Variants in PCLAF observed in about 807,000 individuals in gnomAD.
The protein encoded by PCLAF is PCNA clamp associated factor, also known as PCNA-associated factor.
A neutral mutation model predicts 15.1 loss-of-function variants in PCLAF; 12 were observed. The ratio of observed to expected loss-of-function variants is 0.79; its 90% CI spans 0.51 to 1.29. PCLAF has a LOEUF of 1.29. Among genes scored for constraint, PCLAF ranks in the 50% most tolerant of loss-of-function variants. PCLAF has a pLI of 0.00. For missense variants in PCLAF, 116 were observed against 130.9 expected (o/e 0.89, Z 0.56); for synonymous variants, 33 against 47.1 (o/e 0.70, Z 1.22).
chr15:64,384,036 C>T (rs181564236), upstream of PCLAF, among the ~76,000 whole-genome samples: 159 of 137,776 alleles, frequency 1.2e-3, no homozygotes, highest in East Asian at 8.9e-3. Context: ...TGAAATAAAA[C>T]ACAGAGAGTG....
intron 3 of PCLAF, among the ~76,000 whole-genome samples, chr15:64,367,501 C>T (rs1899090101): frequency 1.8e-5 from 1 of 54,732 alleles, no homozygotes; most frequent in Non-Finnish European, 4.4e-5. Context: ...AAAACTCTGT[C>T]TCAAAAAAAC....
At chr15:64,376,615 C>A in intron 3 of PCLAF, 128 bp downstream of exon 3, 1 of 642,778 alleles carries the variant, frequency 1.6e-6, no homozygotes, top group Non-Finnish European at 2.6e-6. Context: ...GACAGGGTTC[C>A]ACCATGTTGG....
rs1000565592 is a variant in PCLAF at position 64,365,930 on chromosome 15, G to C, written c.*100C>G. Reference sequence around the variant, plus strand: ...ACCTAAATTTTTTAATTAAATGCCTGTTCAACAAAGCTAATTGGAACAAAC... The same window carrying C: ...ACCTAAATTTTTTAATTAAATGCCTCTTCAACAAAGCTAATTGGAACAAAC... On this transcript the variant is annotated 3_prime_UTR_variant, in exon 4 of 4. Coordinates refer to ENST00000300035, the MANE Select transcript of PCLAF (RefSeq NM_014736.6). The C allele has an allele frequency of 4.9e-6, 5 of 1,017,486 alleles. No homozygotes were observed. The highest frequency in any genetic ancestry group is 2.9e-5 in the South Asian group (2 of 69,446). The allele number at this position is 1,017,486 out of a possible 1,614,324, so 63.0% of individuals were successfully genotyped here. A position where few individuals can be genotyped will look rare whatever the true frequency, so the allele number is the denominator to read the frequency against.
intron 3 of PCLAF, among the ~76,000 whole-genome samples, chr15:64,376,347 G>T (rs567510015): frequency 9.3e-4 from 142 of 152,040 alleles, no homozygotes; most frequent in African/African-American, 3.4e-3. Context: ...TATCCTATTT[G>T]TCCTTTATTT....
At chr15:64,378,612 C>T (rs1291877931) in intron 2 of PCLAF, among the ~76,000 whole-genome samples, 3 of 152,050 alleles carry the variant, frequency 2.0e-5, no homozygotes, top group Admixed American at 6.6e-5. Flanking sequence ...GCTTTTACTA[C>T]TAGAAAACAT....
intron 3 of PCLAF, among the ~76,000 whole-genome samples, chr15:64,374,697 T>C (rs1899525518): frequency 6.6e-6 from 1 of 151,902 alleles, no homozygotes; most frequent in Admixed American, 6.6e-5. Context: ...ACACAAAAAA[T>C]TAGCTGAACT....
Position 64,373,720 on chromosome 15 carries a change from T to C in PCLAF, c.290+3023A>G, listed in dbSNP as rs937860219. On this transcript the variant is annotated intron_variant, in intron 3 of 3. Transcript: ENST00000300035. ...TACCCATTTGGATCAGTGTGCCGTGTGTCCAGCTTGCTGCTCAGTGTGCTG... is the reference window on the plus strand; with the variant it reads ...TACCCATTTGGATCAGTGTGCCGTGCGTCCAGCTTGCTGCTCAGTGTGCTG... 3 of 1,535,764 alleles carry C rather than the reference T, an allele frequency of 2.0e-6. No individual in the cohort carries two copies. The African/African-American group carries it at 4.1e-5, about 21-fold the overall frequency.
At chr15:64,383,425 G>A (rs1899874660), upstream of PCLAF, among the ~76,000 whole-genome samples, 1 of 150,756 alleles carries the variant, frequency 6.6e-6, no homozygotes, top group African/African-American at 2.4e-5. Flanking sequence ...GGAATGCAGT[G>A]GCGTGTTCTC....
chr15:64,366,036 T>G lies in PCLAF; in HGVS notation c.330A>C (p.Lys110Asn). ...AAAGATGAATGAGAAAGTTCTATTC[T>G]TTTTCATCATTTGTGTGATCAGGTT... ...PLQPDHTNDE[K>N]E Residue 110 changes from lysine to asparagine, a missense_variant, in exon 4 of 4, where the codon AAA becomes AAC. Physicochemically the swap from Lys to Asn is moderately conservative, Grantham distance 94. Coordinates refer to ENST00000300035, the MANE Select transcript of PCLAF (RefSeq NM_014736.6). 6.2e-7 allele frequency: 1 copy of G among 1,610,206 alleles called. No individual in the cohort carries two copies. The highest frequency in any genetic ancestry group is 1.1e-5 in the South Asian group (1 of 90,558).
exon 1 of PCLAF, chr15:64,387,655 C>A: frequency 7.1e-7 from 1 of 1,413,692 alleles, no homozygotes; most frequent in Non-Finnish European, 9.2e-7. Context: ...ACTGACAGAG[C>A]TCGACTCCGG....
At chr15:64,385,314 T>C (rs571572358), upstream of PCLAF, among the ~76,000 whole-genome samples, 1 of 152,274 alleles carries the variant, frequency 6.6e-6, no homozygotes, top group African/African-American at 2.4e-5. Flanking sequence ...TGGAGACTGT[T>C]ATGGTTAATT....
intron 3 of PCLAF, among the ~76,000 whole-genome samples, chr15:64,370,740 T>G (rs1899259357): frequency 6.6e-6 from 1 of 150,912 alleles, no homozygotes; most frequent in Non-Finnish European, 1.5e-5. Context: ...CAGAATCAAG[T>G]CCACTTATGC....
intron 3 of PCLAF, chr15:64,373,493 G>T: frequency 1.3e-6 from 1 of 776,842 alleles, no homozygotes; most frequent in Non-Finnish European, 1.8e-6. Flanking sequence ...TTCTTGACCT[G>T]CCTCTTAATG....
At chr15:64,371,302 C>A (rs983359112) in intron 3 of PCLAF, among the ~76,000 whole-genome samples, 10 of 150,944 alleles carry the variant, frequency 6.6e-5, no homozygotes, top group African/African-American at 2.4e-4. Flanking sequence ...ACTCTGTTGC[C>A]CAGGCTAGGC....
chr15:64,377,534 T>A (rs1899659564), intron 2 of PCLAF, among the ~76,000 whole-genome samples: 2 of 106,754 alleles, frequency 1.9e-5, no homozygotes, highest in African/African-American at 3.5e-5. Flanking sequence ...TATATATATA[T>A]ATATTCTTGT....
In PCLAF at chr15:64,365,754, A is replaced by T. The variant is rs1041315806; in HGVS notation, c.*276T>A. 7 of 399,738 alleles carry T rather than the reference A, an allele frequency of 1.8e-5. No homozygotes were observed. Among genetic ancestry groups the T allele is most frequent in the Non-Finnish European group, 3.1e-5 (7 of 223,586 alleles). The allele number at this position is 399,738 out of a possible 1,614,324, so 24.8% of individuals were successfully genotyped here. A position where few individuals can be genotyped will look rare whatever the true frequency, so the allele number is the denominator to read the frequency against. ...AATACAACATACTTGTAATTAGAAC[A>T]CAATGCAATGACTTGATTTTAGCAA... is the stretch of plus-strand genomic sequence containing the variant. On this transcript the variant is annotated 3_prime_UTR_variant, in exon 4 of 4. Coordinates refer to ENST00000300035, the MANE Select transcript of PCLAF (RefSeq NM_014736.6).
At position 64,372,343 on chromosome 15, in the gene PCLAF, G is replaced by A. The variant is rs1234128247; in HGVS notation, c.290+4400C>T. ...GAAAGTAAAATGCAGGGCTGGGTGC[G>A]ATGGCTCACACCTGTAATCCCAGCA... On this transcript the variant is annotated intron_variant, in intron 3 of 3. Coordinates refer to ENST00000300035, the MANE Select transcript of PCLAF (RefSeq NM_014736.6). Among the ~76,000 whole-genome samples the A allele has an allele frequency of 2.6e-5, 4 of 152,268 alleles. No homozygotes were observed. The East Asian group carries it at 7.7e-4, about 29-fold the overall frequency.
At position 64,380,933 on chromosome 15, in the gene PCLAF, C is replaced by T. The variant is rs747769298; in HGVS notation, c.127+25G>A. ...GCTTGCAGGTGCCAGGACTGATCCCCTAACTTTAGGAGGGCTCTTCTTACC... is the reference window on the plus strand; with the variant it reads ...GCTTGCAGGTGCCAGGACTGATCCCTTAACTTTAGGAGGGCTCTTCTTACC... On this transcript the variant is annotated intron_variant, in intron 2 of 3. Coordinates refer to ENST00000300035, the MANE Select transcript of PCLAF (RefSeq NM_014736.6). 1.9e-6 allele frequency: 3 copies of T among 1,608,226 alleles called. No homozygotes were observed. The South Asian group carries it at 3.3e-5, about 18-fold the overall frequency.
chr15:64,381,142 A>G (rs2140533958), intron 1 of PCLAF, 104 bp from the exon 2 acceptor site: 2 of 1,267,706 alleles, frequency 1.6e-6, no homozygotes, highest in Non-Finnish European at 2.3e-6. Flanking sequence ...GATCCAGAAC[A>G]GCAGGATAAC....
Sources: allele counts gnomAD v4.1 joint callset (sites outside exome capture counted in the v4.1 genomes callset), GRCh38; gene constraint gnomAD v4.1.1; transcripts MANE v1.5; gene names NCBI Gene and HGNC (gene_info 2026-07-23, HGNC 2026-07-21).